The following MTCL2 variants were observed in gnomAD, a reference collection of about 807,000 sequenced individuals.
MTCL2 encodes the protein microtubule cross-linking factor 2.
At chr20:36,794,417 C>T in the MTCL2 span, 3 of 1,613,964 alleles carry the variant, frequency 1.9e-6, no homozygotes, top group Non-Finnish European at 2.5e-6. The surrounding 1 kb of genome is among the most constrained non-coding windows in gnomAD (Gnocchi z 5.4). Flanking sequence ...CAGGTGGTTG[C>T]AGTCCCTCGA....
chr20:36,786,908 C>T, the MTCL2 span, among the ~76,000 whole-genome samples: 1 of 152,178 alleles, frequency 6.6e-6, no homozygotes, highest in African/African-American at 2.4e-5. Flanking sequence ...TCTTAACATA[C>T]ATTTACCAAA....
chr20:36,847,249 A>AT, the MTCL2 span, among the ~76,000 whole-genome samples: 1 of 152,212 alleles, frequency 6.6e-6, no homozygotes, highest in Non-Finnish European at 1.5e-5. Flanking sequence ...TCAGTGCGTC[A>AT]TAACTGTGCT....
At chr20:36,828,990 T>C in the MTCL2 span, 22 of 1,460,056 alleles carry the variant, frequency 1.5e-5, no homozygotes, top group Admixed American at 2.4e-5. Flanking sequence ...AGACACTGGC[T>C]TGGGGGGGCT....
the MTCL2 span, chr20:36,785,293 GCCTCATGTTGT>G: frequency 1.0e-6 from 1 of 985,252 alleles, no homozygotes; most frequent in African/African-American, 1.7e-5. Context: ...GCTGTTAGAG[GCCTCATGTTGT>G]CCCAGTGGCA....
At chr20:36,789,988 A>ATTT in the MTCL2 span, among the ~76,000 whole-genome samples, 14 of 110,710 alleles carry the variant, frequency 1.3e-4, no homozygotes, top group African/African-American at 2.9e-4. Context: ...TAATTTTTGT[A>ATTT]TTTTTTTTTT....
the MTCL2 span, among the ~76,000 whole-genome samples, chr20:36,791,308 C>T: frequency 3.9e-5 from 6 of 152,234 alleles, no homozygotes; most frequent in African/African-American, 1.4e-4. Context: ...GCTGGGATTA[C>T]AGGCATGAGC....
chr20:36,805,769 T>G, the MTCL2 span: 1 of 1,201,480 alleles, frequency 8.3e-7, no homozygotes, highest in Non-Finnish European at 1.2e-6. Context: ...AGGAATGGGG[T>G]CAGAGAAAGC....
chr20:36,837,809 T>G, the MTCL2 span, among the ~76,000 whole-genome samples: 2 of 152,016 alleles, frequency 1.3e-5, no homozygotes, highest in Non-Finnish European at 2.9e-5. Context: ...ACTCCTGACC[T>G]CAGGTGATCT....
the MTCL2 span, among the ~76,000 whole-genome samples, chr20:36,852,878 G>A: frequency 3.9e-5 from 6 of 152,006 alleles, no homozygotes; most frequent in African/African-American, 7.3e-5. Flanking sequence ...CCAACATGAT[G>A]AAACCCCGTC....
At chr20:36,800,757 GA>G in the MTCL2 span, among the ~76,000 whole-genome samples, 34,412 of 152,126 alleles carry the variant, frequency 0.23, 4,849 homozygotes, top group East Asian at 0.47. Context: ...AAAGCAATGA[GA>G]TAGCATTTCA....
the MTCL2 span, among the ~76,000 whole-genome samples, chr20:36,829,506 C>T: frequency 2.0e-5 from 3 of 149,370 alleles, no homozygotes; most frequent in Non-Finnish European, 4.4e-5. Flanking sequence ...TTTTCATTTA[C>T]CTGAGGCTTT....
chr20:36,846,667 G>A, the MTCL2 span, among the ~76,000 whole-genome samples: 3 of 152,124 alleles, frequency 2.0e-5, no homozygotes, highest in African/African-American at 4.8e-5. Context: ...CCCTACTCCC[G>A]CCTTACCCCA....
the MTCL2 span, among the ~76,000 whole-genome samples, chr20:36,846,221 AT>A: frequency 1.3e-5 from 2 of 151,400 alleles, no homozygotes; most frequent in African/African-American, 4.8e-5. Context: ...AAAAAAAAAA[AT>A]CCCCTCAACA....
At chr20:36,790,023 G>A in the MTCL2 span, among the ~76,000 whole-genome samples, 1 of 133,858 alleles carries the variant, frequency 7.5e-6, no homozygotes, top group South Asian at 2.4e-4. Context: ...ATGGAGTCTC[G>A]CTCTGTCACC....
chr20:36,786,810 G>C, the MTCL2 span, among the ~76,000 whole-genome samples: 1 of 152,126 alleles, frequency 6.6e-6, no homozygotes, highest in East Asian at 1.9e-4. Context: ...TCTCCCATTA[G>C]AGCGGTAATG....
At chr20:36,862,840 G>T in the MTCL2 span, 1 of 1,274,474 alleles carries the variant, frequency 7.8e-7, no homozygotes, top group Non-Finnish European at 9.8e-7. Context: ...GGCCGCGGGG[G>T]CTGCTGCGCG....
At chr20:36,784,213 A>G in the MTCL2 span, 10,282 of 986,268 alleles carry the variant, frequency 0.01, 74 homozygotes, top group Admixed American at 0.019. Context: ...ATAACCTTGG[A>G]GGGCCCCCCT....
the MTCL2 span, among the ~76,000 whole-genome samples, chr20:36,859,170 G>A: frequency 3.9e-5 from 6 of 152,298 alleles, no homozygotes; most frequent in South Asian, 4.1e-4. Context: ...ACAGTAAACG[G>A]GAGAGTCAGG....
the MTCL2 span, among the ~76,000 whole-genome samples, chr20:36,826,907 T>C: frequency 5.3e-5 from 8 of 152,202 alleles, no homozygotes; most frequent in African/African-American, 1.7e-4. Flanking sequence ...TGTTTAATTT[T>C]TGAGGAACTG....
Sources: gnomAD v4.1 joint callset for allele counts (sites outside exome capture counted in the v4.1 genomes callset) on GRCh38, gnomAD v4.1.1 for gene constraint, Gnocchi (gnomAD v3.1) non-coding constraint, MANE v1.5 for transcripts, NCBI Gene and HGNC (gene_info 2026-07-23, HGNC 2026-07-21) for gene names.